Variants in XKR6 observed in about 807,000 individuals in gnomAD.
The protein encoded by XKR6 is XK related 6, also known as XK-related protein 6.
Under a neutral mutation model 56.7 loss-of-function variants are expected in XKR6, and 22 were observed. The ratio of observed to expected loss-of-function variants is 0.39; its 90% CI spans 0.28 to 0.55. The LOEUF is 0.55. Ranked by LOEUF, XKR6 falls within the 20% of genes least tolerant of loss-of-function variation. XKR6 has a pLI of 0.66. For synonymous variants in XKR6, 524 were observed against 387.8 expected, an observed-to-expected ratio of 1.35 and a Z score of -4.13; for missense variants, 852 against 889.0, an observed-to-expected ratio of 0.96 and a Z score of 0.53.
At chr8:11,152,661 T>C (rs562590834) in intron 1 of XKR6, among the ~76,000 whole-genome samples, 1 of 152,358 alleles carries the variant, frequency 6.6e-6, no homozygotes, top group Non-Finnish European at 1.5e-5. Flanking sequence ...TTCACTCATC[T>C]GTTTGCTTTT....
intron 1 of XKR6, among the ~76,000 whole-genome samples, chr8:11,144,897 G>A (rs903997666): frequency 6.8e-6 from 1 of 147,126 alleles, no homozygotes; most frequent in Non-Finnish European, 1.5e-5. Context: ...GAAGGGGAAG[G>A]AGAAGGGGAA....
At chr8:11,193,746 C>G (rs928491043) in intron 1 of XKR6, among the ~76,000 whole-genome samples, 2 of 139,000 alleles carry the variant, frequency 1.4e-5, no homozygotes, top group Non-Finnish European at 1.6e-5. Flanking sequence ...TGACCCCCCC[C>G]CCCCCACAAA....
chr8:11,050,551 G>C (rs1412528685), intron 1 of XKR6, among the ~76,000 whole-genome samples: 1 of 141,726 alleles, frequency 7.1e-6, no homozygotes, highest in Non-Finnish European at 1.5e-5. Flanking sequence ...ACAGAAGAGA[G>C]AAAGAGCTTT....
chr8:11,137,592 G>A (rs1800470196), intron 1 of XKR6: 1 of 456,134 alleles, frequency 2.2e-6, no homozygotes. Context: ...GTTCTCTTTA[G>A]AACCAGCTCT....
At chr8:11,141,536 G>A (rs1387659900) in intron 1 of XKR6, among the ~76,000 whole-genome samples, 2 of 152,210 alleles carry the variant, frequency 1.3e-5, no homozygotes, top group Admixed American at 1.3e-4. Context: ...AGGATAGGTG[G>A]CTTGCAAAGA....
intron 1 of XKR6, among the ~76,000 whole-genome samples, chr8:11,025,079 G>A (rs1001523549): frequency 6.6e-6 from 1 of 152,166 alleles, no homozygotes; most frequent in African/African-American, 2.4e-5. Flanking sequence ...ATCTTTCTAC[G>A]AGGCCTTGGA....
At chr8:11,118,535 G>A (rs1319078156) in intron 1 of XKR6, among the ~76,000 whole-genome samples, 1 of 152,182 alleles carries the variant, frequency 6.6e-6, no homozygotes, top group Non-Finnish European at 1.5e-5. Flanking sequence ...GTTTCGTCCT[G>A]GGAGAGTGTA....
At chr8:10,917,008 G>C (rs953332397) in intron 2 of XKR6, among the ~76,000 whole-genome samples, 1 of 151,722 alleles carries the variant, frequency 6.6e-6, no homozygotes, top group Non-Finnish European at 1.5e-5. Context: ...TTTGTTTAAC[G>C]GAAAATCAGT....
chr8:10,898,074 C>G lies in XKR6; in HGVS notation c.1804G>C (p.Val602Leu). The stretch of plus-strand genomic sequence containing the variant: ...ATAGTCCTTCTCAGCCTCCTGTCTA[C>G]AAAATGAGCATCCCAAGCTGGGTAT... ...KRYPAWDAHF[V>L]DRRLRRTINI... Residue 602 changes from valine to leucine, a missense_variant, in exon 3 of 3, where the codon GTA becomes CTA. By Grantham distance (32) the Val-to-Leu change is conservative (BLOSUM62 1). Transcript: ENST00000416569. This position sits in a 1 kb window ranked among gnomAD's most constrained non-coding sequence, Gnocchi z 6.6. 6.2e-7 allele frequency: 1 copy of G among 1,614,106 alleles called. No individual in the cohort carries two copies. Among genetic ancestry groups the G allele is most frequent in the Non-Finnish European group, 8.5e-7 (1 of 1,179,992 alleles).
intron 1 of XKR6, among the ~76,000 whole-genome samples, chr8:11,011,370 T>A (rs1206697368): frequency 2.0e-5 from 3 of 152,184 alleles, no homozygotes; most frequent in Admixed American, 2.0e-4. Flanking sequence ...ACAGAGTGGA[T>A]AGGCTGTCAC....
chr8:11,068,022 G>C (rs1276896964), intron 1 of XKR6, among the ~76,000 whole-genome samples: 1 of 152,232 alleles, frequency 6.6e-6, no homozygotes, highest in Admixed American at 6.5e-5. Flanking sequence ...AGCTCCCTGG[G>C]GTTCAGGGTC....
intron 1 of XKR6, among the ~76,000 whole-genome samples, chr8:11,086,154 T>A (rs1205851818): frequency 1.5e-4 from 20 of 133,460 alleles, no homozygotes; most frequent in African/African-American, 6.0e-4. Context: ...ATATATTTTT[T>A]TTTAAAAAAA....
intron 1 of XKR6, among the ~76,000 whole-genome samples, chr8:11,118,245 G>C (rs1799273479): frequency 7.0e-3 from 1 of 142 alleles, no homozygotes; most frequent in Admixed American, 0.083. Context: ...GGGGAAGCTG[G>C]TTTAAAAAAA....
chr8:11,194,997 G>A (rs1803794589), intron 1 of XKR6: 2 of 578,704 alleles, frequency 3.5e-6, no homozygotes, highest in Non-Finnish European at 6.1e-6. Flanking sequence ...TAGGGTTACT[G>A]TTCACTCAAA....
At position 11,125,488 on chromosome 8, in the gene XKR6, C is replaced by A. The variant is rs147042914; in HGVS notation, c.764+75088G>T. 3.2e-3 allele frequency among the ~76,000 whole-genome samples: 493 copies of A among 152,230 alleles called. 3 individuals are homozygous for A. Among genetic ancestry groups the A allele is most frequent in the African/African-American group, 0.011 (453 of 41,534 alleles). On this transcript the variant is annotated intron_variant, in intron 1 of 2. Coordinates refer to ENST00000416569, the MANE Select transcript of XKR6 (RefSeq NM_173683.4). ...ACAGAACAGGTGGGAGCTTACTAGG[C>A]AGGAAACATACAGAATTGTGAAGTT...
Position 11,200,296 on chromosome 8 carries a change from G to A in XKR6, c.764+280C>T, listed in dbSNP as rs944683661. 1.3e-5 allele frequency among the ~76,000 whole-genome samples: 2 copies of A among 152,252 alleles called. No individual in the cohort carries two copies. The highest frequency in any genetic ancestry group is 2.4e-5 in the African/African-American group (1 of 41,472). On this transcript the variant is annotated intron_variant, in intron 1 of 2. Transcript: ENST00000416569. The surrounding 1 kb of genome is among the most constrained non-coding windows in gnomAD (Gnocchi z 6.4). ...AAGGGACGCTTGGGAACGGAGCTCTGCAGAGGGGACGGGGAGGGCAGGTTG... is the reference window on the plus strand; with the variant it reads ...AAGGGACGCTTGGGAACGGAGCTCTACAGAGGGGACGGGGAGGGCAGGTTG...
chr8:11,192,020 T>C (rs1803606239), intron 1 of XKR6, among the ~76,000 whole-genome samples: 1 of 152,136 alleles, frequency 6.6e-6, no homozygotes, highest in Non-Finnish European at 1.5e-5. Flanking sequence ...CACATACAGA[T>C]AAATATATCT....
Position 10,912,551 on chromosome 8 carries a change from GGT to G in XKR6, c.961+12081_961+12082del, listed in dbSNP as rs1419789054. ...TGAGTATATATAGAGAAAGAGAGAG[GGT>G]GTGTGTGTATGTATATATATGTGTG... On this transcript the variant is annotated intron_variant, in intron 2 of 2. Transcript: ENST00000416569. Among the ~76,000 whole-genome samples the G allele has an allele frequency of 2.1e-5, 3 of 139,756 alleles. No individual in the cohort carries two copies. In the East Asian group the frequency reaches 6.3e-4, roughly 29 times the overall value. The allele number at this position is 139,756 out of a possible 152,430, so 91.7% of individuals were successfully genotyped here.
chr8:10,929,780 A>T (rs979511198), intron 1 of XKR6, among the ~76,000 whole-genome samples: 1 of 152,218 alleles, frequency 6.6e-6, no homozygotes, highest in African/African-American at 2.4e-5. Flanking sequence ...GAGCACAGAC[A>T]GGAGGTTAGA....
Sources: gnomAD v4.1 joint callset for allele counts (sites outside exome capture counted in the v4.1 genomes callset) on GRCh38, gnomAD v4.1.1 for gene constraint, Gnocchi (gnomAD v3.1) non-coding constraint, MANE v1.5 for transcripts, NCBI Gene and HGNC (gene_info 2026-07-23, HGNC 2026-07-21) for gene names.